The following BAZ2B variants were observed in gnomAD, a reference collection of about 807,000 sequenced individuals.
BAZ2B encodes bromodomain adjacent to zinc finger domain 2B, also known as bromodomain adjacent to zinc finger domain protein 2B.
BAZ2B carries 91 observed loss-of-function variants against 246.0 expected under a neutral mutation model. That is an observed-to-expected ratio of 0.37 (90% CI 0.31 to 0.44). BAZ2B has a LOEUF of 0.44. Among genes scored for constraint, BAZ2B ranks in the 20% least tolerant of loss-of-function variants. The pLI is 1.00. For missense variants in BAZ2B, 2,332 were observed against 2,533.7 expected (o/e 0.92, Z 1.71); for synonymous variants, 855 against 860.0 (o/e 0.99, Z 0.10).
chr2:159,451,197 T>C (rs1402207991), intron 4 of BAZ2B, among the ~76,000 whole-genome samples: 1 of 152,114 alleles, frequency 6.6e-6, no homozygotes, highest in African/African-American at 2.4e-5. Flanking sequence ...TACAAAAAAG[T>C]ACAAATATTT....
intron 27 of BAZ2B, 22 bp downstream of exon 27, chr2:159,373,023 G>T: frequency 6.3e-7 from 1 of 1,585,514 alleles, no homozygotes. Flanking sequence ...TTAACAATTT[G>T]TATCGGATTA....
intron 2 of BAZ2B, among the ~76,000 whole-genome samples, chr2:159,543,345 T>G (rs1376547450): frequency 6.6e-6 from 1 of 152,134 alleles, no homozygotes; most frequent in Non-Finnish European, 1.5e-5. Context: ...TTAGGCTAAA[T>G]GTTCTATCAC....
the BAZ2B span, among the ~76,000 whole-genome samples, chr2:159,702,613 C>T: frequency 6.6e-6 from 1 of 151,982 alleles, no homozygotes; most frequent in African/African-American, 2.4e-5. Context: ...GAAAGTGAAG[C>T]CTAATGCAAA....
intron 14 of BAZ2B, chr2:159,412,031 C>T (rs767575645): frequency 1.3e-5 from 12 of 918,018 alleles, no homozygotes; most frequent in Non-Finnish European, 1.6e-5. Flanking sequence ...GTTGGCACGA[C>T]CTTAAGGCAT....
intron 2 of BAZ2B, among the ~76,000 whole-genome samples, chr2:159,522,074 T>C (rs1480548884): frequency 6.6e-6 from 1 of 152,042 alleles, no homozygotes; most frequent in Admixed American, 6.5e-5. Context: ...ATAATACTTT[T>C]CCCTCAAAAT....
intron 13 of BAZ2B, among the ~76,000 whole-genome samples, chr2:159,427,093 A>G (rs1239483718): frequency 6.6e-6 from 1 of 152,156 alleles, no homozygotes; most frequent in African/African-American, 2.4e-5. Flanking sequence ...TCTATTTGGC[A>G]GATAACAAAG....
chr2:159,583,111 T>C, intron 1 of BAZ2B, among the ~76,000 whole-genome samples: 1 of 106,772 alleles, frequency 9.4e-6, no homozygotes, highest in African/African-American at 3.8e-5. Context: ...TTTTTTCTTT[T>C]CTTTTTTTTT....
chr2:159,679,511 G>A, the BAZ2B span, among the ~76,000 whole-genome samples: 2 of 152,048 alleles, frequency 1.3e-5, no homozygotes, highest in Non-Finnish European at 2.9e-5. Context: ...GAATAAAATG[G>A]CCAACTAGGT....
intron 2 of BAZ2B, among the ~76,000 whole-genome samples, chr2:159,502,094 T>G (rs1399992423): frequency 6.6e-6 from 1 of 152,066 alleles, no homozygotes; most frequent in African/African-American, 2.4e-5. Context: ...CATGATTCCA[T>G]TTAAATGAAA....
chr2:159,526,035 T>C (rs193238910), intron 2 of BAZ2B, among the ~76,000 whole-genome samples: 2 of 152,276 alleles, frequency 1.3e-5, no homozygotes, highest in East Asian at 3.9e-4. Context: ...TGTACTAAGG[T>C]GTGGCAGAAG....
intron 1 of BAZ2B, among the ~76,000 whole-genome samples, chr2:159,569,587 T>C (rs1236082902): frequency 6.6e-6 from 1 of 152,172 alleles, no homozygotes; most frequent in African/African-American, 2.4e-5. Flanking sequence ...ATAAAAGATA[T>C]TTAAACTTTA....
the BAZ2B span, among the ~76,000 whole-genome samples, chr2:159,622,750 T>C: frequency 6.6e-6 from 1 of 152,112 alleles, no homozygotes; most frequent in Admixed American, 6.5e-5. Flanking sequence ...CAGTGGCTCA[T>C]GCCTGTAATG....
At chr2:159,522,098 G>A (rs2084198455) in intron 2 of BAZ2B, among the ~76,000 whole-genome samples, 1 of 151,540 alleles carries the variant, frequency 6.6e-6, no homozygotes, top group African/African-American at 2.4e-5. Context: ...TTACTATCCT[G>A]GTCTGCAAAT....
chr2:159,321,558 G>A (rs1392349310), intron 36 of BAZ2B, among the ~76,000 whole-genome samples: 1 of 152,126 alleles, frequency 6.6e-6, no homozygotes, highest in Non-Finnish European at 1.5e-5. Context: ...TAAACACAAT[G>A]GCGCACCATT....
chr2:159,362,833 A>G (rs1402692507), intron 27 of BAZ2B, among the ~76,000 whole-genome samples: 2 of 152,146 alleles, frequency 1.3e-5, no homozygotes, highest in Non-Finnish European at 2.9e-5. Flanking sequence ...TCAGGAGTAC[A>G]AATTGGTAGG....
chr2:159,348,699 C>T lies in BAZ2B; in HGVS notation c.5272G>A (p.Ala1758Thr), dbSNP rs970512015. Residue 1758 changes from alanine (A) to threonine (T), a missense_variant, in exon 30 of 37, where the codon GCC (alanine) becomes ACC (threonine). By Grantham distance (58) the Ala-to-Thr change is moderately conservative (BLOSUM62 0). Transcript: ENST00000392783. The part of the protein sequence containing the change: ...IQKHLDYITQ[A>T]CLKNKDVAII... The stretch of plus-strand genomic sequence containing the variant: ...ACACCATCCTTATTCTTGAGGCAGG[C>T]TTGAGTAATATAATCCAAATGTTTC... 2 of 1,605,902 alleles carry T rather than the reference C, an allele frequency of 1.2e-6. No individual in the cohort carries two copies. Among genetic ancestry groups the T allele is most frequent in the African/African-American group, 2.7e-5 (2 of 74,368 alleles).
chr2:159,565,504 C>T (rs141907600), intron 1 of BAZ2B, among the ~76,000 whole-genome samples: 209 of 152,204 alleles, frequency 1.4e-3, no homozygotes, highest in Admixed American at 3.7e-3. Flanking sequence ...TAAGGCCAGG[C>T]GTGGTGGCTC....
chr2:159,486,272 T>G (rs959335539), intron 2 of BAZ2B, among the ~76,000 whole-genome samples: 4 of 152,030 alleles, frequency 2.6e-5, no homozygotes, highest in Middle Eastern at 3.2e-3. Flanking sequence ...AAAACTTTGC[T>G]TAACTAAGAA....
intron 23 of BAZ2B, among the ~76,000 whole-genome samples, chr2:159,384,857 A>G (rs750590614): frequency 6.6e-5 from 10 of 152,164 alleles, no homozygotes; most frequent in Non-Finnish European, 1.2e-4. Context: ...TACCATAGCA[A>G]CTAAAAATAT....
Sources: gnomAD v4.1 joint callset for allele counts (sites outside exome capture counted in the v4.1 genomes callset) on GRCh38, gnomAD v4.1.1 for gene constraint, MANE v1.5 for transcripts, NCBI Gene and HGNC (gene_info 2026-07-23, HGNC 2026-07-21) for gene names.